Variants in PSG5 observed in about 807,000 individuals in gnomAD.
The protein encoded by PSG5 is pregnancy specific beta-1-glycoprotein 5.
A neutral mutation model predicts 37.7 loss-of-function variants in PSG5; 53 were observed. The ratio of observed to expected loss-of-function variants is 1.41; its 90% CI spans 1.13 to 1.77. PSG5 has a LOEUF of 1.77. Among genes scored for constraint, PSG5 ranks in the 40% most tolerant of loss-of-function variants. The probability of loss-of-function intolerance (pLI) is 0.00; values close to 1 mark genes in which losing one functional copy is unlikely to be tolerated. For synonymous variants in PSG5, 221 were observed against 155.4 expected, an observed-to-expected ratio of 1.42 and a Z score of -3.14; for missense variants, 547 against 405.2, an observed-to-expected ratio of 1.35 and a Z score of -3.00.
chr19:43,186,317 C>T (rs1432797151), intron 1 of PSG5, 25 bp downstream of exon 1: 20 of 1,611,318 alleles, frequency 1.2e-5, no homozygotes, highest in Non-Finnish European at 1.7e-5. Context: ...TCCTCCTGTC[C>T]TCTCCCAGGA....
At chr19:43,185,311 ATGTGTGTGTG>A (rs904781172) in intron 1 of PSG5, among the ~76,000 whole-genome samples, 164 bp from the exon 2 acceptor site, 1 of 150,758 alleles carries the variant, frequency 6.6e-6, no homozygotes, top group Admixed American at 6.6e-5. Context: ...GTGTGTGTGT[ATGTGTGTGTG>A]TCCTACTGTC....
At chr19:43,185,625 G>A (rs561346526) in intron 1 of PSG5, among the ~76,000 whole-genome samples, 31 of 151,502 alleles carry the variant, frequency 2.0e-4, no homozygotes, top group African/African-American at 4.4e-4. Flanking sequence ...CCATGACAGC[G>A]TGAGCTCTGT....
intron 2 of PSG5, among the ~76,000 whole-genome samples, chr19:43,178,293 A>G (rs1444754271): frequency 6.6e-6 from 1 of 150,834 alleles, no homozygotes; most frequent in Non-Finnish European, 1.5e-5. Flanking sequence ...TGAAACAGAC[A>G]TAGATCCCTC....
At position 43,183,242 on chromosome 19, in the gene PSG5, T is replaced by C. The variant is rs528805870; in HGVS notation, c.430+1540A>G. On this transcript the variant is annotated intron_variant, in intron 2 of 5. Transcript: ENST00000342951. The stretch of plus-strand genomic sequence containing the variant: ...CTCTGGTGGCCAAAGAGCTTCAGAG[T>C]TGCATGAGGTGGGGTGGCTTTAGGG... 7 of 331,648 alleles carry C rather than the reference T, an allele frequency of 2.1e-5. No homozygotes were observed. The East Asian group carries it at 5.4e-4, about 25-fold the overall frequency. 20.5% of individuals were successfully genotyped at this position (331,648 alleles called of 1,614,324 possible). A position where few individuals can be genotyped will look rare whatever the true frequency, so the allele number is the denominator to read the frequency against.
Position 43,186,263 on chromosome 19 carries a change from A to T in PSG5, c.64+79T>A, listed in dbSNP as rs1966938727. The T allele has an allele frequency of 8.1e-6, 13 of 1,598,074 alleles. 1 individual carries two copies. Among genetic ancestry groups the T allele is most frequent in the African/African-American group, 2.7e-5 (2 of 73,656 alleles). On this transcript the variant is annotated intron_variant, in intron 1 of 5. Transcript: ENST00000342951. ...AGTGCTGGCTTCTTTTATTTTTTAG[A>T]ACCCCATCCTCTCCAGGAGACCCAA...
At chr19:43,168,892 T>C (rs2122192686) in intron 5 of PSG5, among the ~76,000 whole-genome samples, 1 of 151,750 alleles carries the variant, frequency 6.6e-6, no homozygotes, top group African/African-American at 2.4e-5. Flanking sequence ...AAAAAGGTCC[T>C]TAGGTAATTC....
At chr19:43,175,117 A>G (rs1968977259) in intron 4 of PSG5, 98 bp downstream of exon 4, 1 of 1,605,948 alleles carries the variant, frequency 6.2e-7, no homozygotes, top group Admixed American at 1.7e-5. Flanking sequence ...TGCCCATGGG[A>G]CACAGGCTGG....
intron 2 of PSG5, among the ~76,000 whole-genome samples, chr19:43,176,487 C>T (rs1274367067): frequency 6.6e-6 from 1 of 151,558 alleles, no homozygotes; most frequent in Non-Finnish European, 1.5e-5. Flanking sequence ...GGTTCCTTAC[C>T]TGGAATGTGC....
At chr19:43,182,244 G>C (rs562478684) in intron 2 of PSG5, among the ~76,000 whole-genome samples, 1 of 151,808 alleles carries the variant, frequency 6.6e-6, no homozygotes, top group African/African-American at 2.4e-5. Flanking sequence ...TTATAGGAGG[G>C]AACTGAATTC....
chr19:43,179,625 C>A (rs1349022776), intron 2 of PSG5, among the ~76,000 whole-genome samples: 5 of 151,636 alleles, frequency 3.3e-5, no homozygotes, highest in Admixed American at 6.6e-5. Flanking sequence ...GTCCTTAAAC[C>A]CTTTGGGTAC....
intron 2 of PSG5, among the ~76,000 whole-genome samples, chr19:43,177,732 A>G (rs1969041100): frequency 6.6e-6 from 1 of 151,394 alleles, no homozygotes; most frequent in Non-Finnish European, 1.5e-5. Flanking sequence ...CAGATTTAAG[A>G]CAGAGTTTTC....
intron 2 of PSG5, among the ~76,000 whole-genome samples, chr19:43,179,872 ATTG>A (rs1969091443): frequency 6.6e-6 from 1 of 151,660 alleles, no homozygotes; most frequent in Non-Finnish European, 1.5e-5. Flanking sequence ...GACCAAGACC[ATTG>A]TTCCCTGTTC....
chr19:43,185,927 C>G (rs1966928429), intron 1 of PSG5, among the ~76,000 whole-genome samples: 1 of 149,636 alleles, frequency 6.7e-6, no homozygotes, highest in South Asian at 2.1e-4. Flanking sequence ...GTATTTTACC[C>G]TATCCAGGCT....
rs890846186 is a variant in PSG5 at position 43,175,345 on chromosome 19, C to T, written c.834G>A (p.Lys278=). 6 of 1,612,700 alleles carry T rather than the reference C, an allele frequency of 3.7e-6. No individual in the cohort carries two copies. In the African/African-American group the frequency reaches 5.4e-5, roughly 14 times the overall value. Residue 278 remains lysine, a synonymous_variant, in exon 4 of 6, where the codon AAG becomes AAA. Transcript: ENST00000342951. ...PAEYFWTING[K]FQQSGQKLSI... ...AGAGCTTTTGTCCTGATTGCTGAAA[C>T]TTCCCATTAATTGTCCAAAAATACT...
rs766362109 is a variant in PSG5 at position 43,175,225 on chromosome 19, G to T, written c.954C>A (p.Val318=). Residue 318 remains valine, a synonymous_variant, in exon 4 of 6, where the codon GTC becomes GTA. Transcript: ENST00000342951. ...TGKESSKSMT[V]EVSAPSGIGR... ...CTGGGATCCACTTACCAGAGACTTC[G>T]ACTGTCATGGATTTGGAGCTTTCCT... The T allele has an allele frequency of 2.5e-6, 4 of 1,612,470 alleles. No homozygotes were observed. Among genetic ancestry groups the T allele is most frequent in the South Asian group, 1.1e-5 (1 of 91,052 alleles).
In PSG5 at chr19:43,178,199, T is replaced by G. The variant is rs575613072; in HGVS notation, c.431-2051A>C. On this transcript the variant is annotated intron_variant, in intron 2 of 5. Transcript: ENST00000342951. ...TAGATAGACTTCACTGGAAAACATATTGCCAATGCTCCAGGGATCCACTTA... is the reference window on the plus strand; with the variant it reads ...TAGATAGACTTCACTGGAAAACATAGTGCCAATGCTCCAGGGATCCACTTA... Among the ~76,000 whole-genome samples the G allele has an allele frequency of 3.3e-5, 5 of 151,754 alleles. No homozygotes were observed. The East Asian group carries it at 5.8e-4, about 18-fold the overall frequency.
chr19:43,178,306 T>C (rs1969054235), intron 2 of PSG5, among the ~76,000 whole-genome samples: 1 of 151,544 alleles, frequency 6.6e-6, no homozygotes, highest in African/African-American at 2.4e-5. Flanking sequence ...GATCCCTCTA[T>C]GTTTTGGTGA....
At chr19:43,183,585 G>A (rs1359218009) in intron 2 of PSG5, 3 of 423,550 alleles carry the variant, frequency 7.1e-6, no homozygotes, top group Non-Finnish European at 1.4e-5. Flanking sequence ...ATCTGAGGGG[G>A]AGGCCTGGAC....
chr19:43,179,436 A>G (rs1969081402), intron 2 of PSG5, among the ~76,000 whole-genome samples: 1 of 151,626 alleles, frequency 6.6e-6, no homozygotes, highest in African/African-American at 2.4e-5. Context: ...CACAGACCCG[A>G]TGCCTCTCTG....
Sources: allele counts gnomAD v4.1 joint callset (sites outside exome capture counted in the v4.1 genomes callset), GRCh38; gene constraint gnomAD v4.1.1; transcripts MANE v1.5; gene names NCBI Gene and HGNC (gene_info 2026-07-23, HGNC 2026-07-21).